Variants in KCNK13 observed in about 807,000 individuals in gnomAD.
The protein encoded by KCNK13 is potassium two pore domain channel subfamily K member 13.
A neutral mutation model predicts 23.4 loss-of-function variants in KCNK13; 12 were observed. The observed-to-expected ratio is 0.51, with a 90% CI of 0.33 to 0.83. The LOEUF (loss-of-function observed/expected upper bound fraction) is 0.83, where lower values mean the gene tolerates loss of function less well. Ranked by LOEUF, KCNK13 falls within the 40% of genes least tolerant of loss-of-function variation. KCNK13 has a pLI of 0.02. For missense variants in KCNK13, 463 were observed against 556.3 expected (o/e 0.83, Z 1.69); for synonymous variants, 231 against 229.5 (o/e 1.01, Z -0.06).
At chr14:90,104,260 A>G (rs1038464863) in intron 1 of KCNK13, among the ~76,000 whole-genome samples, 6 of 152,158 alleles carry the variant, frequency 3.9e-5, no homozygotes, top group African/African-American at 1.4e-4. Context: ...CCTCCTGTGA[A>G]TGCCTTTTGG....
At chr14:90,168,899 G>A (rs893378958) in intron 1 of KCNK13, among the ~76,000 whole-genome samples, 1 of 152,140 alleles carries the variant, frequency 6.6e-6, no homozygotes, top group Non-Finnish European at 1.5e-5. Flanking sequence ...TGTTCTCACA[G>A]TAGTGAGTAA....
chr14:90,067,950 G>A (rs1889027747), intron 1 of KCNK13, among the ~76,000 whole-genome samples: 2 of 152,100 alleles, frequency 1.3e-5, no homozygotes, highest in Non-Finnish European at 2.9e-5. Context: ...GTAGCTTAAT[G>A]TAATAAAAGT....
At chr14:90,070,659 A>C (rs929729445) in intron 1 of KCNK13, among the ~76,000 whole-genome samples, 1 of 152,072 alleles carries the variant, frequency 6.6e-6, no homozygotes, top group Admixed American at 6.6e-5. Flanking sequence ...ATCTTTTTCC[A>C]TCCAGATTCC....
chr14:90,096,615 T>C (rs763903686), intron 1 of KCNK13, among the ~76,000 whole-genome samples: 1 of 152,202 alleles, frequency 6.6e-6, no homozygotes, highest in Non-Finnish European at 1.5e-5. Context: ...GGAACTCACC[T>C]GAATCAGCTC....
At chr14:90,122,418 A>G (rs953081721) in intron 1 of KCNK13, among the ~76,000 whole-genome samples, 48 of 151,888 alleles carry the variant, frequency 3.2e-4, no homozygotes, top group African/African-American at 1.1e-3. Context: ...CCTGGGTTCA[A>G]GCGATTCTCC....
chr14:90,118,628 T>G (rs1043895804), intron 1 of KCNK13, among the ~76,000 whole-genome samples: 3 of 152,200 alleles, frequency 2.0e-5, no homozygotes, highest in African/African-American at 7.2e-5. Flanking sequence ...AGAGTAGAAT[T>G]GCTGGGTTAT....
At position 90,063,508 on chromosome 14, in the gene KCNK13, A is replaced by AG. The variant is rs1437014870; in HGVS notation, c.334+975dup. Among the ~76,000 whole-genome samples the AG allele has an allele frequency of 3.3e-5, 5 of 152,202 alleles. No homozygotes were observed. In the East Asian group the frequency reaches 9.7e-4, roughly 29 times the overall value. On this transcript the variant is annotated intron_variant, in intron 1 of 1. Coordinates refer to ENST00000282146, the MANE Select transcript of KCNK13 (RefSeq NM_022054.4). ...GAAGATGCTGTAGAAATAAATTCTG[A>AG]GGGGGGCAAAAAGAGACCTGGAGCA...
chr14:90,078,175 C>T (rs1889162249), intron 1 of KCNK13, among the ~76,000 whole-genome samples: 1 of 152,194 alleles, frequency 6.6e-6, no homozygotes, highest in Non-Finnish European at 1.5e-5. Context: ...AATCCCAGCA[C>T]TTTGGGAGGC....
chr14:90,127,694 C>T (rs1889818190), intron 1 of KCNK13, among the ~76,000 whole-genome samples: 1 of 150,940 alleles, frequency 6.6e-6, no homozygotes, highest in African/African-American at 2.4e-5. Flanking sequence ...TAATGTGCTC[C>T]TGTAGTCCCA....
At chr14:90,133,614 A>T (rs1031646857) in intron 1 of KCNK13, among the ~76,000 whole-genome samples, 1 of 150,456 alleles carries the variant, frequency 6.6e-6, no homozygotes, top group Non-Finnish European at 1.5e-5. Context: ...AAAAAAAAAA[A>T]ACAGTTAAGA....
intron 1 of KCNK13, among the ~76,000 whole-genome samples, chr14:90,149,568 C>T (rs759595034): frequency 7.9e-5 from 12 of 152,112 alleles, no homozygotes; most frequent in South Asian, 2.1e-4. Flanking sequence ...AGTATGCCCC[C>T]GTGATTCAAT....
At chr14:90,096,163 A>G (rs1300105692) in intron 1 of KCNK13, among the ~76,000 whole-genome samples, 1 of 152,164 alleles carries the variant, frequency 6.6e-6, no homozygotes, top group African/African-American at 2.4e-5. Context: ...TAGAGACTTT[A>G]TTATATAGAC....
chr14:90,146,512 C>T (rs1890075040), intron 1 of KCNK13, among the ~76,000 whole-genome samples: 1 of 152,134 alleles, frequency 6.6e-6, no homozygotes, highest in Non-Finnish European at 1.5e-5. Context: ...GATGGGGTTT[C>T]ACCAAGTTGG....
chr14:90,161,959 G>A (rs1283289159), intron 1 of KCNK13, among the ~76,000 whole-genome samples: 1 of 152,106 alleles, frequency 6.6e-6, no homozygotes, highest in Non-Finnish European at 1.5e-5. Flanking sequence ...AAGGAGGATT[G>A]TGTGAGCCCA....
intron 1 of KCNK13, among the ~76,000 whole-genome samples, chr14:90,068,515 T>C (rs571892614): frequency 6.6e-6 from 1 of 152,188 alleles, no homozygotes; most frequent in Non-Finnish European, 1.5e-5. Context: ...GGAGGATCAC[T>C]TGAGCCCAGG....
intron 1 of KCNK13, among the ~76,000 whole-genome samples, chr14:90,163,122 A>G (rs963848317): frequency 7.2e-5 from 11 of 152,208 alleles, no homozygotes; most frequent in Non-Finnish European, 1.6e-4. Context: ...ATTTACTGAT[A>G]ACAATGAACT....
chr14:90,164,048 C>T (rs1890277486), intron 1 of KCNK13, among the ~76,000 whole-genome samples: 1 of 152,166 alleles, frequency 6.6e-6, no homozygotes. Flanking sequence ...GGGTAGCAGC[C>T]TGGAGTTCAT....
intron 1 of KCNK13, among the ~76,000 whole-genome samples, chr14:90,173,218 G>A (rs1382316109): frequency 1.3e-5 from 2 of 152,158 alleles, no homozygotes; most frequent in African/African-American, 4.8e-5. Flanking sequence ...TATACTAGGT[G>A]TGGTGGCTCA....
intron 1 of KCNK13, among the ~76,000 whole-genome samples, chr14:90,130,415 G>A (rs1361483710): frequency 1.3e-5 from 2 of 151,752 alleles, no homozygotes; most frequent in Admixed American, 6.6e-5. Context: ...GGCCAGGCTG[G>A]TCTTGAACTC....
Sources: allele counts gnomAD v4.1 joint callset (sites outside exome capture counted in the v4.1 genomes callset), GRCh38; gene constraint gnomAD v4.1.1; transcripts MANE v1.5; gene names NCBI Gene and HGNC (gene_info 2026-07-23, HGNC 2026-07-21).